The following TMCO4 variants were observed in gnomAD, a reference collection of about 807,000 sequenced individuals.
TMCO4 encodes the protein transmembrane and coiled-coil domain-containing protein 4.
A neutral mutation model predicts 64.7 loss-of-function variants in TMCO4; 58 were observed. The observed-to-expected ratio is 0.90, with a 90% CI of 0.73 to 1.12. The LOEUF is 1.12. Ranked by LOEUF, TMCO4 falls within the 50% of genes most tolerant of loss-of-function variation. The probability of loss-of-function intolerance (pLI) is 0.00; values close to 1 mark genes in which losing one functional copy is unlikely to be tolerated. For missense variants in TMCO4, 780 were observed against 825.9 expected, an observed-to-expected ratio of 0.94 and a Z score of 0.68; for synonymous variants, 325 against 346.1, an observed-to-expected ratio of 0.94 and a Z score of 0.68.
chr1:19,690,866 C>CTTTTTTTTT (rs34764589), intron 15 of TMCO4, among the ~76,000 whole-genome samples: 1 of 111,286 alleles, frequency 9.0e-6, no homozygotes. Flanking sequence ...TGTGAAGACT[C>CTTTTTTTTT]TTTTTTTTTT....
intron 13 of TMCO4, among the ~76,000 whole-genome samples, chr1:19,730,952 C>A (rs1376444734): frequency 6.6e-6 from 1 of 152,188 alleles, no homozygotes; most frequent in African/African-American, 2.4e-5. Flanking sequence ...AGCTATCCTG[C>A]AATTAGGAGA....
chr1:19,691,159 C>T (rs922475138), intron 15 of TMCO4, among the ~76,000 whole-genome samples: 3 of 152,174 alleles, frequency 2.0e-5, no homozygotes, highest in Admixed American at 1.3e-4. Flanking sequence ...TGAGTCACTG[C>T]ACCCGGCCCC....
rs539383027 is a variant in TMCO4, at chr1:19,741,663, G to A, written c.878-722C>T. On this transcript the variant is annotated intron_variant, in intron 10 of 15. Coordinates refer to ENST00000294543, the MANE Select transcript of TMCO4 (RefSeq NM_181719.7). ...GCCCACCTGGCTGCCTTCAGTATAGGAGCACAGAGGGGCACCTAATCTGGC... is the reference window on the plus strand; with the variant it reads ...GCCCACCTGGCTGCCTTCAGTATAGAAGCACAGAGGGGCACCTAATCTGGC... Among the ~76,000 whole-genome samples the A allele has an allele frequency of 2.6e-5, 4 of 151,976 alleles. No homozygotes were observed. The South Asian group carries it at 8.3e-4, about 32-fold the overall frequency.
chr1:19,739,707 CAAAACCATTGAGTTATCTCCAAGT>C, intron 12 of TMCO4, 93 bp downstream of exon 12: 1 of 1,473,082 alleles, frequency 6.8e-7, no homozygotes, highest in Non-Finnish European at 9.1e-7. Flanking sequence ...CCCACACCCC[CAAAACCATTGAGTTATCTCCAAGT>C]AGCCTTGCCT....
intron 13 of TMCO4, among the ~76,000 whole-genome samples, chr1:19,702,627 G>A (rs948716219): frequency 1.3e-5 from 2 of 152,144 alleles, no homozygotes; most frequent in Non-Finnish European, 2.9e-5. Flanking sequence ...GTGTGGTGGT[G>A]CACACCTATA....
chr1:19,704,793 C>A (rs974295459), intron 13 of TMCO4, among the ~76,000 whole-genome samples: 28 of 152,182 alleles, frequency 1.8e-4, no homozygotes, highest in African/African-American at 6.8e-4. Flanking sequence ...TCAGGAAAAC[C>A]TAAAAAGGGA....
At chr1:19,695,108 C>G (rs939545134) in intron 14 of TMCO4, among the ~76,000 whole-genome samples, 1 of 152,182 alleles carries the variant, frequency 6.6e-6, no homozygotes, top group Non-Finnish European at 1.5e-5. Context: ...GTCTCCCTGC[C>G]CTCAGGCAGC....
intron 13 of TMCO4, among the ~76,000 whole-genome samples, chr1:19,713,399 A>G (rs1302363181): frequency 6.6e-6 from 1 of 152,136 alleles, no homozygotes; most frequent in Non-Finnish European, 1.5e-5. Flanking sequence ...CCCAGGAAGA[A>G]GGGGAAGGGG....
intron 14 of TMCO4, 51 bp from the exon 15 acceptor site, chr1:19,694,602 C>G: frequency 6.4e-7 from 1 of 1,568,326 alleles, no homozygotes; most frequent in Non-Finnish European, 8.7e-7. Flanking sequence ...CTCGGACAGC[C>G]CAAGGACAGG....
At chr1:19,690,864 C>CT (rs1557451893) in intron 15 of TMCO4, among the ~76,000 whole-genome samples, 2 of 99,080 alleles carry the variant, frequency 2.0e-5, no homozygotes, top group African/African-American at 3.7e-5. Context: ...TCTGTGAAGA[C>CT]TCTTTTTTTT....
At chr1:19,792,937 A>C (rs1202926757) in intron 2 of TMCO4, among the ~76,000 whole-genome samples, 2 of 151,934 alleles carry the variant, frequency 1.3e-5, no homozygotes, top group Non-Finnish European at 2.9e-5. Context: ...TGCCTGGCCA[A>C]GTTTTGTATC....
chr1:19,785,038 C>G lies in TMCO4; in HGVS notation c.-9+1988G>C, dbSNP rs547363011. On this transcript the variant is annotated intron_variant, in intron 3 of 15. Coordinates refer to ENST00000294543, the MANE Select transcript of TMCO4 (RefSeq NM_181719.7). ...CACTGAACTCCATCTCATGTCCCCA[C>G]ACCGGTCTTGTTCACTACGCTACAG... 3.0e-3 allele frequency among the ~76,000 whole-genome samples: 461 copies of G among 152,266 alleles called. 2 individuals are homozygous for G. Among genetic ancestry groups the G allele is most frequent in the African/African-American group, 0.011 (444 of 41,546 alleles).
Position 19,746,590 on chromosome 1 carries a change from C to T in TMCO4, c.623G>A (p.Gly208Glu). Residue 208 changes from glycine (G) to glutamate (E), a missense_variant, in exon 9 of 16, where the codon GGA becomes GAA. Gly to Glu is a moderately conservative substitution (Grantham distance 98, BLOSUM62 -2). Transcript: ENST00000294543. ...GGCAACAAGGGGTGCAGCTAGACCT[C>T]CAGTCACACCTGTGGGAAAAGCAGC... ...VGGGTVIGVT[G>E]GLAAPLVAAG... 3 of 1,606,634 alleles carry T rather than the reference C, an allele frequency of 1.9e-6. No homozygotes were observed. Among genetic ancestry groups the T allele is most frequent in the Non-Finnish European group, 2.6e-6 (3 of 1,175,124 alleles).
At chr1:19,698,523 T>C (rs1481710795) in intron 14 of TMCO4, among the ~76,000 whole-genome samples, 1 of 152,242 alleles carries the variant, frequency 6.6e-6, no homozygotes, top group Non-Finnish European at 1.5e-5. Flanking sequence ...TCATGTAAAT[T>C]ACACATGAGT....
intron 7 of TMCO4, among the ~76,000 whole-genome samples, chr1:19,755,232 T>C (rs1048515729): frequency 2.0e-5 from 3 of 152,224 alleles, no homozygotes; most frequent in African/African-American, 7.2e-5. Context: ...TTCAAGTGAT[T>C]CTCCTGGCTC....
At chr1:19,706,151 A>G (rs530197492) in intron 13 of TMCO4, among the ~76,000 whole-genome samples, 1 of 152,094 alleles carries the variant, frequency 6.6e-6, no homozygotes, top group South Asian at 2.1e-4. Flanking sequence ...TAATCCTCCC[A>G]CCTTAGCCTC....
chr1:19,717,944 A>G (rs1394595374), intron 13 of TMCO4, among the ~76,000 whole-genome samples: 1 of 152,202 alleles, frequency 6.6e-6, no homozygotes, highest in African/African-American at 2.4e-5. Flanking sequence ...TGGTTTAGAC[A>G]TACATGAATT....
intron 6 of TMCO4, among the ~76,000 whole-genome samples, chr1:19,767,741 T>C (rs2042799396): frequency 6.6e-6 from 1 of 152,140 alleles, no homozygotes; most frequent in Non-Finnish European, 1.5e-5. Context: ...CCTCTGCTGC[T>C]GTGTGTCTGC....
Position 19,691,112 on chromosome 1 carries a change from C to T in TMCO4, c.1500+3322G>A, listed in dbSNP as rs57377829. 7.0e-3 allele frequency among the ~76,000 whole-genome samples: 1,068 copies of T among 152,230 alleles called. 13 individuals are homozygous for T. Among genetic ancestry groups the T allele is most frequent in the African/African-American group, 0.025 (1,027 of 41,528 alleles). ...CTCGATCTCCTGACCTCGTGATCTG[C>T]CCGCCTTGGCCTCCCAAAGTGCTGG... On this transcript the variant is annotated intron_variant, in intron 15 of 15. Coordinates refer to ENST00000294543, the MANE Select transcript of TMCO4 (RefSeq NM_181719.7).
Sources: allele counts gnomAD v4.1 joint callset (sites outside exome capture counted in the v4.1 genomes callset), GRCh38; gene constraint gnomAD v4.1.1; transcripts MANE v1.5; gene names NCBI Gene and HGNC (gene_info 2026-07-23, HGNC 2026-07-21).